STARD13: variants seen among roughly 807,000 people sequenced by gnomAD.
The protein encoded by STARD13 is stAR-related lipid transfer protein 13.
A neutral mutation model predicts 106.4 loss-of-function variants in STARD13; 62 were observed. That is an observed-to-expected ratio of 0.58 (90% confidence interval 0.48 to 0.72). The LOEUF is 0.72. Among genes scored for constraint, STARD13 ranks in the 30% least tolerant of loss-of-function variants. The pLI is 0.00. For missense variants in STARD13, 1,387 were observed against 1,424.0 expected (o/e 0.97, Z 0.42); for synonymous variants, 565 against 553.0 (o/e 1.02, Z -0.31).
At chr13:33,212,085 T>C (rs1887756844) in intron 1 of STARD13, among the ~76,000 whole-genome samples, 1 of 152,156 alleles carries the variant, frequency 6.6e-6, no homozygotes, top group Non-Finnish European at 1.5e-5. Flanking sequence ...CCCCAGTGAC[T>C]GTTTTAGTCA....
the STARD13 span, among the ~76,000 whole-genome samples, chr13:33,437,885 T>C: frequency 6.6e-6 from 1 of 152,188 alleles, no homozygotes; most frequent in Non-Finnish European, 1.5e-5. Flanking sequence ...CCCTGCCAAA[T>C]GAAGCCCTGA....
intron 7 of STARD13, among the ~76,000 whole-genome samples, chr13:33,121,780 A>G (rs1876358074): frequency 1.3e-5 from 2 of 149,302 alleles, no homozygotes; most frequent in Admixed American, 1.4e-4. Context: ...CCTGGATTCA[A>G]GTGATTCTTC....
chr13:33,603,874 G>A, the STARD13 span, among the ~76,000 whole-genome samples: 1 of 152,020 alleles, frequency 6.6e-6, no homozygotes, highest in African/African-American at 2.4e-5. Flanking sequence ...AGTAGAAAAA[G>A]AAGACAAAGC....
At position 33,112,330 on chromosome 13, in the gene STARD13, C is replaced by T. The variant is rs148296113; in HGVS notation, c.2492+391G>A. On this transcript the variant is annotated intron_variant, in intron 9 of 13. Coordinates refer to ENST00000336934, the MANE Select transcript of STARD13 (RefSeq NM_178006.4). The stretch of plus-strand genomic sequence containing the variant: ...GCTCAATAATTCTATGAATCTGAGC[C>T]CCGTGAATTAGGGTGTCTCACAAGA... 1.9e-3 allele frequency among the ~76,000 whole-genome samples: 288 copies of T among 152,228 alleles called. 1 individual carries two copies. Among genetic ancestry groups the T allele is most frequent in the African/African-American group, 5.8e-3 (241 of 41,530 alleles).
the STARD13 span, among the ~76,000 whole-genome samples, chr13:33,392,228 C>A: frequency 6.6e-6 from 1 of 152,124 alleles, no homozygotes; most frequent in Non-Finnish European, 1.5e-5. Context: ...TGCCCATGTG[C>A]GTTCTTTGCT....
intron 1 of STARD13, among the ~76,000 whole-genome samples, chr13:33,241,795 G>A (rs1566093221): frequency 6.6e-6 from 1 of 152,172 alleles, no homozygotes; most frequent in Non-Finnish European, 1.5e-5. Flanking sequence ...GCCAGCCTCA[G>A]CCTCCCGAGG....
At chr13:33,445,106 AATC>A in the STARD13 span, among the ~76,000 whole-genome samples, 1 of 152,166 alleles carries the variant, frequency 6.6e-6, no homozygotes, top group African/African-American at 2.4e-5. Context: ...TGTAATGATC[AATC>A]AAGTCAATGA....
chr13:33,515,933 C>T, the STARD13 span, among the ~76,000 whole-genome samples: 4 of 151,954 alleles, frequency 2.6e-5, no homozygotes, highest in East Asian at 1.9e-4. Context: ...TGACAATTAG[C>T]GATTCTCTGT....
chr13:33,112,581 T>G, intron 9 of STARD13, 140 bp downstream of exon 9: 1 of 697,656 alleles, frequency 1.4e-6, no homozygotes, highest in South Asian at 2.2e-5. Context: ...CGTTGATCTA[T>G]CTACCTACCT....
At chr13:33,632,542 C>A in the STARD13 span, among the ~76,000 whole-genome samples, 1 of 152,124 alleles carries the variant, frequency 6.6e-6, no homozygotes, top group Non-Finnish European at 1.5e-5. Context: ...TCCAAAGTAT[C>A]CCTTAAGTTC....
At chr13:33,309,531 G>A (rs891248103) in intron 1 of STARD13, among the ~76,000 whole-genome samples, 4 of 152,148 alleles carry the variant, frequency 2.6e-5, no homozygotes, top group Non-Finnish European at 5.9e-5. Context: ...CACAGAGTTC[G>A]CTATTGAGGC....
At chr13:33,341,944 C>T (rs1331708643) in intron 1 of STARD13, among the ~76,000 whole-genome samples, 2 of 152,056 alleles carry the variant, frequency 1.3e-5, no homozygotes, top group African/African-American at 4.8e-5. Flanking sequence ...CATATCCCCA[C>T]CATACCCGGC....
intron 1 of STARD13, among the ~76,000 whole-genome samples, chr13:33,343,137 C>T (rs1039544137): frequency 2.0e-5 from 3 of 152,288 alleles, no homozygotes; most frequent in Non-Finnish European, 4.4e-5. Context: ...CAACAGAGAA[C>T]CTTTGAGTCC....
At chr13:33,670,940 C>T in the STARD13 span, among the ~76,000 whole-genome samples, 3 of 152,088 alleles carry the variant, frequency 2.0e-5, no homozygotes, top group East Asian at 3.8e-4. Context: ...CGTTAATTTG[C>T]CCAAATTCAA....
At chr13:33,404,588 A>G in the STARD13 span, among the ~76,000 whole-genome samples, 3 of 152,206 alleles carry the variant, frequency 2.0e-5, no homozygotes, top group African/African-American at 7.2e-5. Flanking sequence ...AAGTCACTCT[A>G]AACAATAAAG....
At chr13:33,349,520 A>G (rs902965938) in intron 1 of STARD13, among the ~76,000 whole-genome samples, 6 of 152,176 alleles carry the variant, frequency 3.9e-5, no homozygotes, top group African/African-American at 7.2e-5. Flanking sequence ...GCATGCACAG[A>G]AGCAGCAAGG....
At chr13:33,373,009 A>T in the STARD13 span, among the ~76,000 whole-genome samples, 2 of 152,070 alleles carry the variant, frequency 1.3e-5, no homozygotes, top group Non-Finnish European at 2.9e-5. Flanking sequence ...CTGAAAGTTT[A>T]TTTCTTTCAG....
the STARD13 span, among the ~76,000 whole-genome samples, chr13:33,488,951 T>C: frequency 6.6e-6 from 1 of 152,208 alleles, no homozygotes; most frequent in Non-Finnish European, 1.5e-5. Context: ...GGGTTAACCC[T>C]CAAGTCCCTC....
chr13:33,192,914 T>C (rs1886350645), intron 1 of STARD13, among the ~76,000 whole-genome samples: 1 of 152,020 alleles, frequency 6.6e-6, no homozygotes, highest in African/African-American at 2.4e-5. Flanking sequence ...AAAAAGGTAT[T>C]ACCATTCCCA....
Sources: gnomAD v4.1 joint callset for allele counts (sites outside exome capture counted in the v4.1 genomes callset) on GRCh38, gnomAD v4.1.1 for gene constraint, MANE v1.5 for transcripts, NCBI Gene and HGNC (gene_info 2026-07-23, HGNC 2026-07-21) for gene names.